The following ARID5B variants were observed in gnomAD, a reference collection of about 807,000 sequenced individuals.
ARID5B encodes AT-rich interactive domain-containing protein 5B.
Under a neutral mutation model 97.2 loss-of-function variants are expected in ARID5B, and 13 were observed. The ratio of observed to expected loss-of-function variants is 0.13; its 90% confidence interval spans 0.09 to 0.21. The LOEUF (loss-of-function observed/expected upper bound fraction) is 0.21, where lower values mean the gene tolerates loss of function less well. ARID5B is among the 10% of genes least tolerant of loss of function. The pLI is 1.00. For missense variants in ARID5B, 1,210 were observed against 1,465.3 expected, an observed-to-expected ratio of 0.83 and a Z score of 2.84; for synonymous variants, 556 against 570.3, an observed-to-expected ratio of 0.97 and a Z score of 0.36.
intron 4 of ARID5B, among the ~76,000 whole-genome samples, chr10:62,046,015 C>T (rs1839703675): frequency 6.6e-6 from 1 of 152,162 alleles, no homozygotes; most frequent in Non-Finnish European, 1.5e-5. Context: ...ATTCCAGTCC[C>T]TACCAACAAG....
intron 4 of ARID5B, among the ~76,000 whole-genome samples, chr10:62,006,136 T>A (rs1385208742): frequency 2.6e-5 from 4 of 152,318 alleles, no homozygotes; most frequent in Non-Finnish European, 4.4e-5. Flanking sequence ...AGGTTTTGTT[T>A]ATCATTAAAG....
intron 4 of ARID5B, among the ~76,000 whole-genome samples, chr10:62,020,278 C>T (rs547599715): frequency 5.3e-5 from 8 of 152,300 alleles, no homozygotes; most frequent in Admixed American, 2.6e-4. Context: ...ATTAATGACT[C>T]ATGTGAACAA....
chr10:62,062,533 G>A (rs1259182040), intron 7 of ARID5B, among the ~76,000 whole-genome samples: 2 of 152,158 alleles, frequency 1.3e-5, no homozygotes, highest in Non-Finnish European at 2.9e-5. Flanking sequence ...ATGGCTCTTA[G>A]CTTCAGAGTG....
At chr10:62,055,934 T>C (rs1325844394) in intron 5 of ARID5B, among the ~76,000 whole-genome samples, 2 of 152,178 alleles carry the variant, frequency 1.3e-5, no homozygotes, top group Admixed American at 1.3e-4. Flanking sequence ...GTAGAATATG[T>C]GGGACATTTT....
intron 4 of ARID5B, among the ~76,000 whole-genome samples, chr10:62,047,425 C>T (rs1010247810): frequency 2.6e-5 from 4 of 152,130 alleles, no homozygotes; most frequent in South Asian, 4.1e-4. Context: ...AGTAACAGTA[C>T]GTCTATTGCT....
At chr10:62,083,419 G>T (rs908071962) in intron 8 of ARID5B, among the ~76,000 whole-genome samples, 3 of 152,110 alleles carry the variant, frequency 2.0e-5, no homozygotes, top group African/African-American at 7.2e-5. Flanking sequence ...AGAGAGCCAG[G>T]TTGGCCCAGG....
At chr10:61,990,612 G>A (rs368360368) in intron 3 of ARID5B, among the ~76,000 whole-genome samples, 3 of 152,168 alleles carry the variant, frequency 2.0e-5, no homozygotes, top group Non-Finnish European at 4.4e-5. Flanking sequence ...TTAGGACACC[G>A]ATTCTGTGCC....
rs758365363 is a variant in ARID5B, at chr10:62,091,053, A to G, written c.1590A>G (p.Ala530=). Residue 530 remains alanine (A), a synonymous_variant, in exon 10 of 10, where the codon GCA becomes GCG. Coordinates refer to ENST00000279873, the MANE Select transcript of ARID5B (RefSeq NM_032199.3). ...TDQGSNSEKV[A]EEAGEKGPTP... The stretch of plus-strand genomic sequence containing the variant: ...AAGGTTCCAACAGTGAGAAGGTGGC[A>G]GAGGAGGCGGGAGAGAAGGGGCCCA... 2.5e-6 allele frequency: 4 copies of G among 1,613,970 alleles called. No individual in the cohort carries two copies. The highest frequency in any genetic ancestry group is 2.2e-5 in the South Asian group (2 of 91,076).
chr10:61,972,476 G>A (rs2132835758), intron 3 of ARID5B, among the ~76,000 whole-genome samples: 1 of 152,102 alleles, frequency 6.6e-6, no homozygotes, highest in East Asian at 1.9e-4. Context: ...TGATCCACCT[G>A]CCTCGGCCTC....
chr10:62,043,946 G>A (rs1839672862), intron 4 of ARID5B, among the ~76,000 whole-genome samples: 1 of 151,986 alleles, frequency 6.6e-6, no homozygotes, highest in South Asian at 2.1e-4. Flanking sequence ...AGCAAAGGCA[G>A]TAATACATTA....
In ARID5B at chr10:61,970,371, T is replaced by A. The variant is rs143790672; in HGVS notation, c.503-29720T>A. ...GGAGGAACACGAAGGTGAATTCCAGTTGGGTAACACTGGAGAATTCCAGTT... is the reference window on the plus strand; with the variant it reads ...GGAGGAACACGAAGGTGAATTCCAGATGGGTAACACTGGAGAATTCCAGTT... On this transcript the variant is annotated intron_variant, in intron 3 of 9. Transcript: ENST00000279873. 8.3e-3 allele frequency among the ~76,000 whole-genome samples: 1,265 copies of A among 152,330 alleles called. 9 individuals are homozygous for A. Among genetic ancestry groups the A allele is most frequent in the Middle Eastern group, 0.02 (6 of 294 alleles).
At chr10:61,986,985 G>C (rs1181624538) in intron 3 of ARID5B, among the ~76,000 whole-genome samples, 2 of 152,326 alleles carry the variant, frequency 1.3e-5, no homozygotes, top group African/African-American at 4.8e-5. Flanking sequence ...AGGGTGAAAA[G>C]AACCATGAAG....
At position 62,021,029 on chromosome 10, in the gene ARID5B, AATATATATATATATATATATATATAT is replaced by A. The variant is rs10528323; in HGVS notation, c.733+20723_733+20748del. 6.8e-3 allele frequency among the ~76,000 whole-genome samples: 728 copies of A among 106,858 alleles called. 11 individuals are homozygous for A. Among genetic ancestry groups the A allele is most frequent in the African/African-American group, 0.027 (664 of 24,890 alleles). 70.1% of individuals were successfully genotyped at this position (106,858 alleles called of 152,430 possible). ...ACTGGGATCATGGGTTTGTCACATG[AATATATATATATATATATATATATAT>A]ATATATATATATATCTCAGAAGATA... On this transcript the variant is annotated intron_variant, in intron 4 of 9. Coordinates refer to ENST00000279873, the MANE Select transcript of ARID5B (RefSeq NM_032199.3).
At chr10:62,066,084 C>T (rs1266964752) in intron 7 of ARID5B, among the ~76,000 whole-genome samples, 1 of 152,100 alleles carries the variant, frequency 6.6e-6, no homozygotes, top group African/African-American at 2.4e-5. Context: ...AAAGCTTACC[C>T]ACATCGAGAG....
At chr10:62,001,815 T>A (rs1277928307) in intron 4 of ARID5B, among the ~76,000 whole-genome samples, 1 of 152,244 alleles carries the variant, frequency 6.6e-6, no homozygotes, top group African/African-American at 2.4e-5. Context: ...AGGGCAACAC[T>A]GTTTGTATTT....
chr10:62,069,484 C>T (rs925999421), intron 7 of ARID5B, among the ~76,000 whole-genome samples: 14 of 152,192 alleles, frequency 9.2e-5, no homozygotes, highest in African/African-American at 3.4e-4. Flanking sequence ...ACAAAATACA[C>T]ATCCAAAAGT....
intron 3 of ARID5B, among the ~76,000 whole-genome samples, chr10:61,960,769 C>T (rs1485257387): frequency 6.6e-6 from 1 of 152,154 alleles, no homozygotes; most frequent in Non-Finnish European, 1.5e-5. Context: ...ATCATAGGTG[C>T]TCCGTAGGTA....
At chr10:61,995,663 C>T (rs756027220) in intron 3 of ARID5B, among the ~76,000 whole-genome samples, 1 of 152,000 alleles carries the variant, frequency 6.6e-6, no homozygotes, top group African/African-American at 2.4e-5. Flanking sequence ...AATGTTTTCA[C>T]CAATAAAATA....
At chr10:62,032,458 C>G (rs1369873773) in intron 4 of ARID5B, among the ~76,000 whole-genome samples, 1 of 152,206 alleles carries the variant, frequency 6.6e-6, no homozygotes, top group African/African-American at 2.4e-5. Context: ...GTGAGTCACG[C>G]CTGTAATCCA....
Sources: gnomAD v4.1 joint callset for allele counts (sites outside exome capture counted in the v4.1 genomes callset) on GRCh38, gnomAD v4.1.1 for gene constraint, MANE v1.5 for transcripts, NCBI Gene and HGNC (gene_info 2026-07-23, HGNC 2026-07-21) for gene names.